MAN2A2: variants seen among roughly 807,000 people sequenced by gnomAD.
MAN2A2 encodes alpha-mannosidase 2x.
MAN2A2 carries 79 observed loss-of-function variants against 126.8 expected under a neutral mutation model. The ratio of observed to expected loss-of-function variants is 0.62; its 90% CI spans 0.52 to 0.75. The LOEUF is 0.75. Among genes scored for constraint, MAN2A2 ranks in the 30% least tolerant of loss-of-function variants. The pLI, the probability that MAN2A2 is intolerant of heterozygous loss-of-function variation, is 0.00. For synonymous variants in MAN2A2, 671 were observed against 618.7 expected (o/e 1.08, Z -1.25); for missense variants, 1,392 against 1,522.4 (o/e 0.91, Z 1.43).
At chr15:90,902,915 GT>G (rs2033952750), upstream of MAN2A2, 2 of 150,342 alleles carry the variant, frequency 1.3e-5, no homozygotes, top group African/African-American at 2.4e-5. Context: ...GTCCCCGGGC[GT>G]GTGAGAGCCG....
rs749969842 is a variant in MAN2A2 at position 90,912,103 on chromosome 15, C to T, written c.2170C>T (p.Leu724=). The change falls in exon 15 of 23, where the codon CTG becomes TTG. Residue 724 remains leucine (L), a synonymous_variant. Coordinates refer to ENST00000559717, the MANE Select transcript of MAN2A2 (RefSeq NM_006122.4). ...GLGVLQLQLG[L]DGHRTLPSSV... Reference sequence around the variant, plus strand: ...GGGCGTGCTGCAGCTACAGCTGGGCCTGGATGGGCACCGCACGCTGCCCTC... The same window carrying T: ...GGGCGTGCTGCAGCTACAGCTGGGCTTGGATGGGCACCGCACGCTGCCCTC... 1 of 1,613,544 alleles carries T rather than the reference C, an allele frequency of 6.2e-7. No individual in the cohort carries two copies.
chr15:90,907,119 C>T (rs1372841260), intron 7 of MAN2A2, 190 bp from the exon 8 acceptor site: 15 of 827,812 alleles, frequency 1.8e-5, no homozygotes, highest in Non-Finnish European at 2.6e-5. Context: ...AGGGCTTCAG[C>T]GTGCCCTGTG....
intron 6 of MAN2A2, 112 bp from the exon 7 acceptor site, chr15:90,906,628 T>C: frequency 6.4e-7 from 1 of 1,564,944 alleles, no homozygotes; most frequent in African/African-American, 1.3e-5. Context: ...TGGTGTGATA[T>C]CATCTCTCCA....
Position 90,913,411 on chromosome 15 carries a change from C to G in MAN2A2, c.2718+5C>G, listed in dbSNP as rs201897708. On this transcript the variant is annotated splice_donor_5th_base_variant and intron_variant, in intron 18 of 22. Coordinates refer to ENST00000559717, the MANE Select transcript of MAN2A2 (RefSeq NM_006122.4). ...ACAGACCTCAATGGCTTTCAGGTGA[C>G]TCCTGGGCCTGGGTCTCGGAGACCC... 36 of 1,583,726 alleles carry G rather than the reference C, an allele frequency of 2.3e-5. No homozygotes were observed. The East Asian group carries it at 8.1e-4, about 35-fold the overall frequency.
chr15:90,918,315 G>C lies in MAN2A2; in HGVS notation c.3116G>C (p.Arg1039Pro). The change falls in exon 21 of 23, where the codon CGC becomes CCC. Residue 1039 changes from arginine to proline, a missense_variant. Transcript: ENST00000559717. ...ARMQLPGPGLRSFHPLASSLP... is the reference protein window; with the variant it reads ...ARMQLPGPGLPSFHPLASSLP... ...ATGCAGCTCCCAGGCCCTGGTCTGC[G>C]CTCATTTCATCCTCTGGCTTCCTCA... The C allele has an allele frequency of 1.2e-6, 2 of 1,614,114 alleles. No homozygotes were observed. Among genetic ancestry groups the C allele is most frequent in the Non-Finnish European group, 1.7e-6 (2 of 1,180,000 alleles).
Position 90,911,204 on chromosome 15 carries a change from G to T in MAN2A2, c.1909G>T (p.Glu637Ter). The change falls in exon 13 of 23, where the codon GAG becomes TAG. Residue 637 changes from glutamate (E) to a stop codon, truncating the protein, a stop_gained. Transcript: ENST00000559717. LOFTEE classifies it high-confidence loss of function. ...TCGCTTAAGTCACGACGCCCTCCCAGAGCGCACGGTGATCCAGCTGGATTC... is the reference window on the plus strand; with the variant it reads ...TCGCTTAAGTCACGACGCCCTCCCATAGCGCACGGTGATCCAGCTGGATTC... ...DTRLSHDALP[E>*]RTVIQLDSSP... is the part of the protein sequence containing the mutation. The T allele has an allele frequency of 6.2e-7, 1 of 1,614,094 alleles. No homozygotes were observed. Among genetic ancestry groups the T allele is most frequent in the Non-Finnish European group, 8.5e-7 (1 of 1,180,006 alleles).
intron 8 of MAN2A2, 118 bp from the exon 9 acceptor site, chr15:90,909,209 T>C (rs2034530237): frequency 1.0e-5 from 10 of 993,456 alleles, no homozygotes; most frequent in Non-Finnish European, 1.3e-5. Flanking sequence ...CTGTTTGCGC[T>C]GAACCACTCC....
At position 90,906,818 on chromosome 15, in the gene MAN2A2, A is replaced by C; in HGVS notation, c.914A>C (p.Asn305Thr). The C allele has an allele frequency of 6.2e-7, 1 of 1,613,982 alleles. No individual in the cohort carries two copies. Among genetic ancestry groups the C allele is most frequent in the Non-Finnish European group, 8.5e-7 (1 of 1,179,968 alleles). The change falls in exon 7 of 23, where the codon AAC becomes ACC. Residue 305 changes from asparagine to threonine, a missense_variant. Asn to Thr is a moderately conservative substitution (Grantham distance 65). Coordinates refer to ENST00000559717, the MANE Select transcript of MAN2A2 (RefSeq NM_006122.4). ...ATGCCTTACCTGCTGCGCCGTGCCA[A>C]CCTCACCAGCATGCTGATTCAGAGA... ...STMPYLLRRA[N>T]LTSMLIQRVH...
chr15:90,906,029 CG>C lies in MAN2A2; in HGVS notation c.707+17del. Reference sequence around the variant, plus strand: ...CGGCAGTCCGAAGGCCAGTACCAGGCGGGGAGGCATGGGAGGGCATTGTCTG... The same window carrying C: ...CGGCAGTCCGAAGGCCAGTACCAGGCGGGAGGCATGGGAGGGCATTGTCTG... On this transcript the variant is annotated intron_variant, in intron 5 of 22. Transcript: ENST00000559717. 6.2e-7 allele frequency: 1 copy of C among 1,613,222 alleles called. No individual in the cohort carries two copies. Among genetic ancestry groups the C allele is most frequent in the East Asian group, 2.2e-5 (1 of 44,886 alleles).
At chr15:90,906,647 C>T in intron 6 of MAN2A2, 93 bp from the exon 7 acceptor site, 1 of 1,571,248 alleles carries the variant, frequency 6.4e-7, no homozygotes, top group Non-Finnish European at 8.7e-7. Context: ...CACTCACTAC[C>T]AGGACAAGAG....
Position 90,918,441 on chromosome 15 carries a change from C to T in MAN2A2, c.3189+53C>T, listed in dbSNP as rs76494892. Reference sequence around the variant, plus strand: ...AGAGCAGAGTTCTGATGGTGTCCCTCCCTGCTCAGCTCCTTCCTTAGCCTC... The same window carrying T: ...AGAGCAGAGTTCTGATGGTGTCCCTTCCTGCTCAGCTCCTTCCTTAGCCTC... On this transcript the variant is annotated intron_variant, in intron 21 of 22. Transcript: ENST00000559717. 5.0e-3 allele frequency: 7,865 copies of T among 1,559,588 alleles called. 349 individuals carry two copies. The African/African-American group carries it at 0.092, about 18-fold the overall frequency.
In MAN2A2 at chr15:90,909,600, C is replaced by CT. The variant is rs2034562751; in HGVS notation, c.1374+96_1374+97insT. On this transcript the variant is annotated intron_variant, in intron 9 of 22. Transcript: ENST00000559717. ...CTGGGTTCCCAACTCGGGCAGGGTG[C>CT]CCCCCTTTTTTTTTTTTTTTTGAGA... 4 of 1,195,068 alleles carry CT rather than the reference C, an allele frequency of 3.3e-6. No homozygotes were observed. The Admixed American group carries it at 8.5e-5, about 25-fold the overall frequency. 74.0% of individuals were successfully genotyped at this position (1,195,068 alleles called of 1,614,324 possible).
chr15:90,906,435 C>A lies in MAN2A2; in HGVS notation c.773C>A (p.Ser258Tyr), dbSNP rs763365099. The A allele has an allele frequency of 3.1e-6, 5 of 1,614,010 alleles. No homozygotes were observed. Among genetic ancestry groups the A allele is most frequent in the Non-Finnish European group, 4.2e-6 (5 of 1,179,990 alleles). Residue 258 changes from serine (S) to tyrosine (Y), a missense_variant, in exon 6 of 23, where the codon TCC becomes TAC. Transcript: ENST00000559717. ...GGWVMPDEAN[S>Y]HYFALIDQLI... is the part of the protein sequence containing the mutation. ...TGGGTGATGCCAGATGAGGCCAATT[C>A]CCACTACTTTGCATTGATTGACCAG...
At chr15:90,909,548 G>T in intron 9 of MAN2A2, 44 bp downstream of exon 9, 1 of 1,572,094 alleles carries the variant, frequency 6.4e-7, no homozygotes, top group South Asian at 1.1e-5. Flanking sequence ...CAGTGCTGCA[G>T]CCCATCCCTT....
At chr15:90,912,797 C>T in intron 16 of MAN2A2, 80 bp from the exon 17 acceptor site, 3 of 1,551,140 alleles carry the variant, frequency 1.9e-6, no homozygotes, top group Non-Finnish European at 1.8e-6. Context: ...AATAGGTGCT[C>T]TCTTGCCCAG....
chr15:90,919,975 G>A lies in MAN2A2; in HGVS notation c.*188G>A, dbSNP rs1473617224. On this transcript the variant is annotated 3_prime_UTR_variant, in exon 23 of 23. Transcript: ENST00000559717. ...GGCGCAACCCACAAACCCAGTGATG[G>A]GTAAATAGGGCAGACGCCAGTGAGA... is the stretch of plus-strand genomic sequence containing the variant. 1.2e-5 allele frequency: 8 copies of A among 644,340 alleles called. No homozygotes were observed. The African/African-American group carries it at 1.5e-4, about 12-fold the overall frequency. 39.9% of individuals were successfully genotyped at this position (644,340 alleles called of 1,614,324 possible). A position where few individuals can be genotyped will look rare whatever the true frequency, so the allele number is the denominator to read the frequency against.
chr15:90,919,165 G>A (rs903585948), intron 22 of MAN2A2, among the ~76,000 whole-genome samples: 1 of 152,218 alleles, frequency 6.6e-6, no homozygotes, highest in Non-Finnish European at 1.5e-5. Flanking sequence ...TCAGTGGAAC[G>A]GTTCTTACCC....
intron 21 of MAN2A2, 91 bp downstream of exon 21, chr15:90,918,479 C>G: frequency 7.0e-7 from 1 of 1,432,992 alleles, no homozygotes; most frequent in Non-Finnish European, 9.6e-7. Context: ...GGATGAGGTC[C>G]AGACCCCTTA....
At position 90,918,646 on chromosome 15, in the gene MAN2A2, A is replaced by C. The variant is rs746176999; in HGVS notation, c.3191A>C (p.Glu1064Ala). The stretch of plus-strand genomic sequence containing the variant: ...CCCTGGGCACTGTCTGTCATCCAGG[A>C]GGACACCCTACCCTCGGCGGAGACC... ...LLNLRTLQAE[E>A]DTLPSAETAL... The change falls in exon 22 of 23, where the codon GAG becomes GCG. Residue 1064 changes from glutamate to alanine, a missense_variant and splice_region_variant. Coordinates refer to ENST00000559717, the MANE Select transcript of MAN2A2 (RefSeq NM_006122.4). 5 of 1,514,128 alleles carry C rather than the reference A, an allele frequency of 3.3e-6. No homozygotes were observed. Among genetic ancestry groups the C allele is most frequent in the Non-Finnish European group, 4.6e-6 (5 of 1,090,044 alleles). The allele number at this position is 1,514,128 out of a possible 1,614,324, so 93.8% of individuals were successfully genotyped here. A position where few individuals can be genotyped will look rare whatever the true frequency, so the allele number is the denominator to read the frequency against.
Sources: allele counts gnomAD v4.1 joint callset (sites outside exome capture counted in the v4.1 genomes callset), GRCh38; gene constraint gnomAD v4.1.1; transcripts MANE v1.5; gene names NCBI Gene and HGNC (gene_info 2026-07-23, HGNC 2026-07-21).